CUX1: variants seen among roughly 807,000 people sequenced by gnomAD.
CUX1 encodes protein CASP.
CUX1 carries 31 observed loss-of-function variants against 158.8 expected under a neutral mutation model. The observed-to-expected ratio is 0.20, with a 90% CI of 0.15 to 0.26. CUX1 has a LOEUF of 0.26. CUX1 is among the 10% of genes least tolerant of loss of function. The probability of loss-of-function intolerance (pLI) is 1.00; values close to 1 mark genes in which losing one functional copy is unlikely to be tolerated. For missense variants in CUX1, 1,589 were observed against 2,014.6 expected (o/e 0.79, Z 4.04); for synonymous variants, 879 against 862.1 (o/e 1.02, Z -0.34).
chr7:102,110,339 T>C (rs1554489690), intron 6 of CUX1, among the ~76,000 whole-genome samples: 1 of 152,078 alleles, frequency 6.6e-6, no homozygotes, highest in African/African-American at 2.4e-5. Context: ...ATGTTACATA[T>C]TAGTTCATAT....
chr7:102,236,647 G>A (rs1799595998), intron 22 of CUX1, among the ~76,000 whole-genome samples: 1 of 152,068 alleles, frequency 6.6e-6, no homozygotes, highest in African/African-American at 2.4e-5. Flanking sequence ...GAACCCAATA[G>A]ATCTGTGCAG....
intron 3 of CUX1, among the ~76,000 whole-genome samples, chr7:102,030,569 A>G (rs1820626795): frequency 6.6e-6 from 1 of 152,000 alleles, no homozygotes; most frequent in African/African-American, 2.4e-5. Context: ...TTGATCCAAA[A>G]TCAAATTTTT....
At chr7:101,873,802 C>G (rs1798841919) in intron 1 of CUX1, among the ~76,000 whole-genome samples, 1 of 152,136 alleles carries the variant, frequency 6.6e-6, no homozygotes, top group African/African-American at 2.4e-5. Context: ...TCAGGTTGGT[C>G]TCGAACTCCT....
Position 102,257,830 on chromosome 7 carries a change from AT to A in CUX1, c.*8795del, listed in dbSNP as rs1314271202. The A allele has an allele frequency of 6.1e-6, 6 of 982,646 alleles. No individual in the cohort carries two copies. Among genetic ancestry groups the A allele is most frequent in the Non-Finnish European group, 7.2e-6 (6 of 829,584 alleles). 60.9% of individuals were successfully genotyped at this position (982,646 alleles called of 1,614,324 possible). On this transcript the variant is annotated 3_prime_UTR_variant, in exon 24 of 24. Coordinates refer to ENST00000292535, the MANE Select transcript of CUX1 (RefSeq NM_181552.4). ...TGTTTGTTCATCCTCACAATCACAGATTTTTTTCTCCAATCCTCACAGAGAC... is the reference window on the plus strand; with the variant it reads ...TGTTTGTTCATCCTCACAATCACAGATTTTTTCTCCAATCCTCACAGAGAC...
chr7:102,142,784 A>C (rs382228), intron 8 of CUX1, among the ~76,000 whole-genome samples: 96,368 of 149,164 alleles, frequency 0.65, 32,398 homozygotes, highest in African/African-American at 0.83. Context: ...TAGCCGGGAG[A>C]GGTGATGCAC....
intron 1 of CUX1, among the ~76,000 whole-genome samples, chr7:101,890,134 C>T (rs1216956027): frequency 1.3e-5 from 2 of 152,188 alleles, no homozygotes; most frequent in East Asian, 1.9e-4. Flanking sequence ...TTTGAAGGAA[C>T]GTGCTTCAGT....
intron 20 of CUX1, among the ~76,000 whole-genome samples, chr7:102,222,272 C>T (rs1435828122): frequency 2.6e-5 from 4 of 151,858 alleles, no homozygotes; most frequent in Admixed American, 1.3e-4. Flanking sequence ...AGCAAGACCT[C>T]GTCTCAAAAA....
rs112669040 is a variant in CUX1 at position 101,872,711 on chromosome 7, A to G, written c.31-43404A>G. Among the ~76,000 whole-genome samples, 1,072 of 152,074 alleles carry G rather than the reference A, an allele frequency of 7.0e-3. 16 individuals carry two copies. The highest frequency in any genetic ancestry group is 0.024 in the African/African-American group (979 of 41,484). Reference sequence around the variant, plus strand: ...TCAATAGGATTTAGGCCTTTTTTGCACTTCTAGGTTAAAGTTTTCAAGATG... The same window carrying G: ...TCAATAGGATTTAGGCCTTTTTTGCGCTTCTAGGTTAAAGTTTTCAAGATG... On this transcript the variant is annotated intron_variant, in intron 1 of 23. Transcript: ENST00000292535.
intron 1 of CUX1, among the ~76,000 whole-genome samples, chr7:101,861,817 T>C (rs1584795672): frequency 6.7e-6 from 1 of 150,354 alleles, no homozygotes; most frequent in South Asian, 2.1e-4. Context: ...CAGGCTGGAG[T>C]GCGGTGGCAC....
At chr7:102,169,460 A>G (rs1791475691) in intron 9 of CUX1, among the ~76,000 whole-genome samples, 1 of 152,200 alleles carries the variant, frequency 6.6e-6, no homozygotes, top group African/African-American at 2.4e-5. Context: ...CACGTGTCCC[A>G]TGTCATTCGC....
At chr7:101,816,913 G>C (rs996685377), upstream of CUX1, 5 of 980,798 alleles carry the variant, frequency 5.1e-6, no homozygotes, top group African/African-American at 8.8e-5. Context: ...TGTGGCTCCC[G>C]GCGCGGACCC....
At position 101,885,190 on chromosome 7, in the gene CUX1, T is replaced by A. The variant is rs1470748924; in HGVS notation, c.31-30925T>A. Among the ~76,000 whole-genome samples, 8 of 152,192 alleles carry A rather than the reference T, an allele frequency of 5.3e-5. No homozygotes were observed. The East Asian group carries it at 1.5e-3, about 29-fold the overall frequency. ...GTTCACTAAGAAGTGTTTGATAGCTTCAGGGCAGGCGTGCCCTGATTGGGG... is the reference window on the plus strand; with the variant it reads ...GTTCACTAAGAAGTGTTTGATAGCTACAGGGCAGGCGTGCCCTGATTGGGG... On this transcript the variant is annotated intron_variant, in intron 1 of 23. Coordinates refer to ENST00000292535, the MANE Select transcript of CUX1 (RefSeq NM_181552.4).
At chr7:102,001,816 C>T (rs10488044) in intron 2 of CUX1, among the ~76,000 whole-genome samples, 5,724 of 152,308 alleles carry the variant, frequency 0.038, 387 homozygotes, top group African/African-American at 0.13. Flanking sequence ...ACACATTCAT[C>T]ACAGGTGTGC....
intron 21 of CUX1, chr7:102,282,569 G>A (rs947545374): frequency 8.2e-6 from 6 of 729,768 alleles, no homozygotes; most frequent in Non-Finnish European, 1.4e-5. Context: ...AGCAGTGGGT[G>A]CAGGAACATG....
rs142550453 is a variant in CUX1 at position 101,908,324 on chromosome 7, T to G, written c.31-7791T>G. 2.2e-3 allele frequency among the ~76,000 whole-genome samples: 334 copies of G among 152,364 alleles called. 2 individuals are homozygous for G. The highest frequency in any genetic ancestry group is 7.7e-3 in the African/African-American group (321 of 41,602). On this transcript the variant is annotated intron_variant, in intron 1 of 23. Coordinates refer to ENST00000292535, the MANE Select transcript of CUX1 (RefSeq NM_181552.4). The stretch of plus-strand genomic sequence containing the variant: ...CCATGCCTGGCTGATTTTTGTATTT[T>G]TAGTAGAGACAGGGTTTCGCCATAT...
chr7:101,844,571 CTGTCTTCATTCTTTTTTCTTTTTATCCT>C (rs1562919095), intron 1 of CUX1, among the ~76,000 whole-genome samples: 3 of 152,006 alleles, frequency 2.0e-5, no homozygotes, highest in Non-Finnish European at 4.4e-5. Flanking sequence ...CTTTTTATCC[CTGTCTTCATTCTTTTTTCTTTTTATCCT>C]TGTCATCGTT....
At chr7:102,041,158 T>G (rs1488739817) in intron 3 of CUX1, among the ~76,000 whole-genome samples, 5 of 149,318 alleles carry the variant, frequency 3.3e-5, no homozygotes, top group Non-Finnish European at 3.0e-5. Flanking sequence ...ATAAAAAAAT[T>G]AGCCAGGCAT....
intron 1 of CUX1, among the ~76,000 whole-genome samples, chr7:101,881,542 T>C (rs893670398): frequency 6.6e-6 from 1 of 152,234 alleles, no homozygotes; most frequent in Admixed American, 6.5e-5. Flanking sequence ...CTCTTATCTT[T>C]GTCCTTTTTC....
chr7:101,831,584 G>A (rs1794019958), intron 1 of CUX1, among the ~76,000 whole-genome samples: 1 of 152,114 alleles, frequency 6.6e-6, no homozygotes, highest in African/African-American at 2.4e-5. Flanking sequence ...GAGCCACCAT[G>A]CCTGGCCGGA....
Sources: allele counts gnomAD v4.1 joint callset (sites outside exome capture counted in the v4.1 genomes callset), GRCh38; gene constraint gnomAD v4.1.1; transcripts MANE v1.5; gene names NCBI Gene and HGNC (gene_info 2026-07-23, HGNC 2026-07-21).